The following ZNF618 variants were observed in gnomAD, a reference collection of about 807,000 sequenced individuals.
The protein encoded by ZNF618 is zinc finger protein 618, also known as neural precursor cell expressed, developmentally down-regulated 10.
Under a neutral mutation model 103.0 loss-of-function variants are expected in ZNF618, and 34 were observed. That is an observed-to-expected ratio of 0.33 (90% CI 0.25 to 0.44). The LOEUF (loss-of-function observed/expected upper bound fraction) is 0.44, where lower values mean the gene tolerates loss of function less well. ZNF618 is among the 20% of genes least tolerant of loss of function. The probability of loss-of-function intolerance (pLI) is 1.00; values close to 1 mark genes in which losing one functional copy is unlikely to be tolerated. For synonymous variants in ZNF618, 551 were observed against 542.2 expected, an observed-to-expected ratio of 1.02 and a Z score of -0.23; for missense variants, 1,059 against 1,295.4, an observed-to-expected ratio of 0.82 and a Z score of 2.80.
chr9:114,044,791 T>C (rs1845513765), intron 13 of ZNF618, among the ~76,000 whole-genome samples: 1 of 152,108 alleles, frequency 6.6e-6, no homozygotes, highest in Admixed American at 6.5e-5. Context: ...TTGTTTTTTT[T>C]GTTTGTTTTT....
intron 1 of ZNF618, among the ~76,000 whole-genome samples, chr9:113,895,893 C>T (rs575528464): frequency 2.4e-4 from 36 of 151,954 alleles, no homozygotes; most frequent in Non-Finnish European, 3.5e-4. Flanking sequence ...AACATTTTGG[C>T]TTTTGCTCTT....
At chr9:113,889,360 T>A (rs1829404447) in intron 1 of ZNF618, among the ~76,000 whole-genome samples, 1 of 151,020 alleles carries the variant, frequency 6.6e-6, no homozygotes. Context: ...TCTCCCTCCC[T>A]CTCCATGTGT....
intron 1 of ZNF618, among the ~76,000 whole-genome samples, chr9:113,900,821 G>T (rs1417555279): frequency 2.8e-4 from 26 of 94,318 alleles, no homozygotes; most frequent in African/African-American, 5.5e-4. Flanking sequence ...TCCTAGCACC[G>T]TCCTCTCCCG....
intron 1 of ZNF618, among the ~76,000 whole-genome samples, chr9:113,910,538 G>A (rs1233973340): frequency 6.6e-6 from 1 of 152,178 alleles, no homozygotes; most frequent in Admixed American, 6.5e-5. Context: ...TGTGAAGGAC[G>A]TCTTCATGGG....
intron 1 of ZNF618, among the ~76,000 whole-genome samples, chr9:113,885,366 C>A (rs1828964734): frequency 6.6e-6 from 1 of 152,174 alleles, no homozygotes; most frequent in African/African-American, 2.4e-5. Context: ...TTTGTAAACT[C>A]TTGACATACA....
At chr9:113,921,156 A>G (rs568043932) in intron 1 of ZNF618, among the ~76,000 whole-genome samples, 1 of 152,374 alleles carries the variant, frequency 6.6e-6, no homozygotes, top group South Asian at 2.1e-4. Context: ...TTTGGCATCC[A>G]TTAGACCAAG....
At chr9:113,916,379 G>C (rs1303859383) in intron 1 of ZNF618, among the ~76,000 whole-genome samples, 1 of 152,126 alleles carries the variant, frequency 6.6e-6, no homozygotes, top group Non-Finnish European at 1.5e-5. Context: ...TCGTGGTCCT[G>C]ATGATAAGGT....
At chr9:113,965,871 T>C (rs925497010) in intron 1 of ZNF618, among the ~76,000 whole-genome samples, 3 of 152,108 alleles carry the variant, frequency 2.0e-5, no homozygotes, top group African/African-American at 7.2e-5. Context: ...GCTTAGTACT[T>C]TAGTGACATT....
chr9:113,945,388 A>G (rs2132145260), intron 1 of ZNF618, among the ~76,000 whole-genome samples: 3 of 152,316 alleles, frequency 2.0e-5, no homozygotes, highest in East Asian at 3.9e-4. Flanking sequence ...GCATGTACAC[A>G]ATGATAGTTA....
intron 1 of ZNF618, among the ~76,000 whole-genome samples, chr9:113,878,748 A>G (rs1226564738): frequency 6.6e-6 from 1 of 152,020 alleles, no homozygotes; most frequent in Admixed American, 6.6e-5. Context: ...AAGAAAGGAA[A>G]CCCTTTGCTC....
At chr9:113,997,290 T>C (rs1840710972) in intron 3 of ZNF618, among the ~76,000 whole-genome samples, 1 of 151,972 alleles carries the variant, frequency 6.6e-6, no homozygotes. Flanking sequence ...GTGTTTTCTG[T>C]AGAGATGGGG....
At chr9:113,989,616 A>G (rs2133328971) in intron 3 of ZNF618, among the ~76,000 whole-genome samples, 1 of 152,254 alleles carries the variant, frequency 6.6e-6, no homozygotes, top group South Asian at 2.1e-4. Flanking sequence ...CTGCTGTCCA[A>G]GCCTCTGCTG....
At chr9:113,959,197 G>T (rs1376507319) in intron 1 of ZNF618, among the ~76,000 whole-genome samples, 1 of 151,938 alleles carries the variant, frequency 6.6e-6, no homozygotes, top group Non-Finnish European at 1.5e-5. Context: ...GCTGAGGCAG[G>T]AATTGCTTGA....
intron 2 of ZNF618, among the ~76,000 whole-genome samples, chr9:113,973,270 A>G (rs550758322): frequency 6.6e-6 from 1 of 152,308 alleles, no homozygotes; most frequent in South Asian, 2.1e-4. Context: ...TCTGAGCAGA[A>G]TGACCTTGAA....
At chr9:113,885,996 T>C (rs1829037531) in intron 1 of ZNF618, among the ~76,000 whole-genome samples, 1 of 152,148 alleles carries the variant, frequency 6.6e-6, no homozygotes, top group Admixed American at 6.5e-5. Context: ...TGCTTTCTAG[T>C]GAAGTGAGCC....
intron 13 of ZNF618, among the ~76,000 whole-genome samples, 189 bp from the exon 14 acceptor site, chr9:114,047,702 AGT>A (rs1845780352): frequency 6.6e-6 from 1 of 152,182 alleles, no homozygotes; most frequent in East Asian, 1.9e-4. Context: ...TGATTACCTT[AGT>A]TTTTCTAAAT....
At chr9:114,036,168 G>A (rs1844580443) in intron 12 of ZNF618, 132 bp from the exon 13 acceptor site, 2 of 744,914 alleles carry the variant, frequency 2.7e-6, no homozygotes, top group Non-Finnish European at 4.5e-6. Context: ...AGGCAGGCAG[G>A]CTGGGCCCGG....
At chr9:113,946,662 T>C (rs1426129776) in intron 1 of ZNF618, among the ~76,000 whole-genome samples, 3 of 152,018 alleles carry the variant, frequency 2.0e-5, no homozygotes, top group Non-Finnish European at 4.4e-5. Flanking sequence ...GAAGAGTGAG[T>C]GTCTGTGTGC....
At chr9:114,002,338 C>A (rs536013159) in intron 5 of ZNF618, among the ~76,000 whole-genome samples, 13 of 152,332 alleles carry the variant, frequency 8.5e-5, no homozygotes, top group African/African-American at 2.9e-4. Context: ...ACTGGCCTCA[C>A]GCCTCCCAGG....
Sources: gnomAD v4.1 joint callset for allele counts (sites outside exome capture counted in the v4.1 genomes callset) on GRCh38, gnomAD v4.1.1 for gene constraint, MANE v1.5 for transcripts, NCBI Gene and HGNC (gene_info 2026-07-23, HGNC 2026-07-21) for gene names.